ZC2HC1A: variants seen among roughly 807,000 people sequenced by gnomAD.
ZC2HC1A encodes the protein zinc finger C2HC domain-containing protein 1A.
A neutral mutation model predicts 40.7 loss-of-function variants in ZC2HC1A; 28 were observed. The ratio of observed to expected loss-of-function variants is 0.69; its 90% confidence interval spans 0.51 to 0.94. The LOEUF (loss-of-function observed/expected upper bound fraction) is 0.94. ZC2HC1A is among the 40% of genes least tolerant of loss of function. The probability of loss-of-function intolerance (pLI) is 0.00; values close to 1 mark genes in which losing one functional copy is unlikely to be tolerated. For missense variants in ZC2HC1A, 389 were observed against 386.3 expected (o/e 1.01, Z -0.06); for synonymous variants, 129 against 129.2 (o/e 1.00, Z 0.01).
intron 3 of ZC2HC1A, among the ~76,000 whole-genome samples, chr8:78,684,200 C>T (rs767842441): frequency 4.6e-5 from 7 of 152,162 alleles, no homozygotes; most frequent in Non-Finnish European, 8.8e-5. Flanking sequence ...CTGTATTAGT[C>T]CATTTTCATA....
chr8:78,685,272 G>A (rs912022817), intron 3 of ZC2HC1A, among the ~76,000 whole-genome samples: 8 of 152,118 alleles, frequency 5.3e-5, no homozygotes, highest in Admixed American at 2.6e-4. Context: ...AAAAATAAGC[G>A]AAATTTGATT....
chr8:78,686,826 T>A (rs940428900), intron 4 of ZC2HC1A, among the ~76,000 whole-genome samples: 8 of 152,130 alleles, frequency 5.3e-5, no homozygotes, highest in African/African-American at 1.9e-4. Flanking sequence ...ATTTTAATAC[T>A]TTTATTTAAA....
At chr8:78,686,657 G>A in intron 4 of ZC2HC1A, 49 bp downstream of exon 4, 2 of 1,404,326 alleles carry the variant, frequency 1.4e-6, no homozygotes, top group Middle Eastern at 1.9e-4. Context: ...AGAAAATAAT[G>A]ATAGAGTTTT....
At chr8:78,685,646 G>T (rs966008706) in intron 3 of ZC2HC1A, among the ~76,000 whole-genome samples, 1 of 152,178 alleles carries the variant, frequency 6.6e-6, no homozygotes, top group Non-Finnish European at 1.5e-5. Context: ...TACATTAAAT[G>T]ATTCTTAGTA....
chr8:78,677,867 C>T (rs933454964), intron 2 of ZC2HC1A, among the ~76,000 whole-genome samples: 5 of 152,176 alleles, frequency 3.3e-5, no homozygotes, highest in African/African-American at 9.7e-5. Context: ...ACTCCATAGA[C>T]AGAGCAGCCC....
rs1309390113 is a variant in ZC2HC1A at position 78,719,588 on chromosome 8, T to TA, written c.*2099dup. 6.6e-6 allele frequency: 1 copy of TA among 151,850 alleles called. No individual in the cohort carries two copies. The highest frequency in any genetic ancestry group is 2.4e-5 in the African/African-American group (1 of 41,444). The allele number at this position is 151,850 out of a possible 1,614,324, so 9.4% of individuals were successfully genotyped here. On this transcript the variant is annotated 3_prime_UTR_variant, in exon 9 of 9. Transcript: ENST00000263849. ...ACAAGTATTTGACAGTATGGTAGAATAAAAGATGATTGTAAGATTAAAAAT... is the reference window on the plus strand; with the variant it reads ...ACAAGTATTTGACAGTATGGTAGAATAAAAAGATGATTGTAAGATTAAAAAT...
At position 78,704,148 on chromosome 8, in the gene ZC2HC1A, G is replaced by A. The variant is rs539396431; in HGVS notation, c.704+5635G>A. On this transcript the variant is annotated intron_variant, in intron 7 of 8. Transcript: ENST00000263849. Reference sequence around the variant, plus strand: ...TGTAATCCCAGCACTTTGGGAGACCGAGGCGAGCGGATCACCTGAGGTCAG... The same window carrying A: ...TGTAATCCCAGCACTTTGGGAGACCAAGGCGAGCGGATCACCTGAGGTCAG... Among the ~76,000 whole-genome samples, 4 of 152,214 alleles carry A rather than the reference G, an allele frequency of 2.6e-5. No individual in the cohort carries two copies. In the East Asian group the frequency reaches 5.8e-4, roughly 22 times the overall value.
intron 7 of ZC2HC1A, among the ~76,000 whole-genome samples, chr8:78,713,655 C>T (rs1811013985): frequency 6.6e-6 from 1 of 152,112 alleles, no homozygotes; most frequent in Non-Finnish European, 1.5e-5. Context: ...CATTCATGCA[C>T]CAAAGTGATT....
chr8:78,689,353 C>G lies in ZC2HC1A; in HGVS notation c.484C>G (p.Pro162Ala). 3 of 1,595,762 alleles carry G rather than the reference C, an allele frequency of 1.9e-6. No individual in the cohort carries two copies. The highest frequency in any genetic ancestry group is 2.6e-6 in the Non-Finnish European group (3 of 1,172,334). Reference protein sequence around the residue: ...GKFSTDTKGKPTSRTQVYKPP... With the variant: ...GKFSTDTKGKATSRTQVYKPP... ...ATTTTCTACAGATACCAAAGGAAAA[C>G]CAACTTCTCGGACACAGGTGGTAAG... Residue 162 changes from proline to alanine, a missense_variant, in exon 5 of 9, where the codon CCA becomes GCA. Coordinates refer to ENST00000263849, the MANE Select transcript of ZC2HC1A (RefSeq NM_016010.3).
intron 7 of ZC2HC1A, among the ~76,000 whole-genome samples, chr8:78,704,488 C>T (rs913589538): frequency 3.3e-5 from 5 of 151,734 alleles, no homozygotes; most frequent in African/African-American, 1.2e-4. Flanking sequence ...ATGGGCTTTC[C>T]TTTGTAGGTG....
intron 7 of ZC2HC1A, among the ~76,000 whole-genome samples, chr8:78,702,495 T>G (rs1005796087): frequency 6.6e-6 from 1 of 152,212 alleles, no homozygotes; most frequent in African/African-American, 2.4e-5. Flanking sequence ...ATTTCTTGTC[T>G]TCTGCTAGCT....
At chr8:78,666,198 A>T in intron 1 of ZC2HC1A, 34 bp downstream of exon 1, 1 of 1,568,640 alleles carries the variant, frequency 6.4e-7, no homozygotes, top group Non-Finnish European at 8.6e-7. Flanking sequence ...CAGGACGGCT[A>T]GAGCGGGCCC....
chr8:78,677,215 C>T (rs757261034), intron 2 of ZC2HC1A, among the ~76,000 whole-genome samples: 15 of 152,010 alleles, frequency 9.9e-5, no homozygotes, highest in Non-Finnish European at 1.8e-4. Context: ...TTTAGTTTAC[C>T]GATGTCATCA....
intron 2 of ZC2HC1A, among the ~76,000 whole-genome samples, chr8:78,677,754 AAGAG>A (rs1229691897): frequency 3.3e-5 from 5 of 152,128 alleles, no homozygotes; most frequent in Non-Finnish European, 7.4e-5. Flanking sequence ...TCCAGACACT[AAGAG>A]AGAGTTTTTG....
At chr8:78,707,547 C>A (rs1810812370) in intron 7 of ZC2HC1A, among the ~76,000 whole-genome samples, 1 of 152,210 alleles carries the variant, frequency 6.6e-6, no homozygotes, top group Non-Finnish European at 1.5e-5. Context: ...CTTTTGCTAA[C>A]AAGCAGAGAT....
At chr8:78,708,002 A>G (rs1810831256) in intron 7 of ZC2HC1A, among the ~76,000 whole-genome samples, 1 of 152,190 alleles carries the variant, frequency 6.6e-6, no homozygotes, top group African/African-American at 2.4e-5. Flanking sequence ...ATTTTTGGTT[A>G]AGTGAAAAAA....
chr8:78,676,501 T>G (rs1235202218), intron 2 of ZC2HC1A, among the ~76,000 whole-genome samples: 2 of 152,042 alleles, frequency 1.3e-5, no homozygotes, highest in Non-Finnish European at 2.9e-5. Context: ...ATTATGCCTA[T>G]GTACCTTACG....
Position 78,718,858 on chromosome 8 carries a change from T to C in ZC2HC1A, c.*1365T>C, listed in dbSNP as rs1811182863. The C allele has an allele frequency of 1.3e-5, 2 of 151,712 alleles. No homozygotes were observed. 9.4% of individuals were successfully genotyped at this position (151,712 alleles called of 1,614,324 possible). ...TGTAAAGGTACAAACAAATCTCTTATATAATTCCTAGCTTTTTTTTTTGTT... is the reference window on the plus strand; with the variant it reads ...TGTAAAGGTACAAACAAATCTCTTACATAATTCCTAGCTTTTTTTTTTGTT... On this transcript the variant is annotated 3_prime_UTR_variant, in exon 9 of 9. Coordinates refer to ENST00000263849, the MANE Select transcript of ZC2HC1A (RefSeq NM_016010.3).
chr8:78,700,293 T>G (rs1388419391), intron 7 of ZC2HC1A, among the ~76,000 whole-genome samples: 2 of 152,214 alleles, frequency 1.3e-5, no homozygotes, highest in African/African-American at 4.8e-5. Context: ...TCATGTCTGT[T>G]GTCCACTTTT....
Sources: allele counts gnomAD v4.1 joint callset (sites outside exome capture counted in the v4.1 genomes callset), GRCh38; gene constraint gnomAD v4.1.1; transcripts MANE v1.5; gene names NCBI Gene and HGNC (gene_info 2026-07-23, HGNC 2026-07-21).